XKR4: variants seen among roughly 807,000 people sequenced by gnomAD.
The protein encoded by XKR4 is XK-related protein 4.
XKR4 carries 12 observed loss-of-function variants against 53.9 expected under a neutral mutation model. The observed-to-expected ratio is 0.22, with a 90% CI of 0.14 to 0.36. The LOEUF (loss-of-function observed/expected upper bound fraction) is 0.36. Among genes scored for constraint, XKR4 ranks in the 10% least tolerant of loss-of-function variants. XKR4 has a pLI of 1.00. For missense variants in XKR4, 799 were observed against 859.5 expected, an observed-to-expected ratio of 0.93 and a Z score of 0.88; for synonymous variants, 354 against 362.4, an observed-to-expected ratio of 0.98 and a Z score of 0.26.
chr8:55,238,301 G>T (rs1818162349), intron 1 of XKR4, among the ~76,000 whole-genome samples: 1 of 152,194 alleles, frequency 6.6e-6, no homozygotes, highest in Admixed American at 6.6e-5. Flanking sequence ...CTTCCAGCCA[G>T]CAGGGAGAGG....
At chr8:55,263,236 C>A (rs988397344) in intron 1 of XKR4, among the ~76,000 whole-genome samples, 4 of 152,202 alleles carry the variant, frequency 2.6e-5, no homozygotes, top group African/African-American at 9.7e-5. Flanking sequence ...GTCACTACCC[C>A]ATGTGGGGAG....
rs574707215 is a variant in XKR4, at chr8:55,478,074, G to A, written c.1007-45207G>A. Among the ~76,000 whole-genome samples, 392 of 152,074 alleles carry A rather than the reference G, an allele frequency of 2.6e-3. 2 individuals carry two copies. Among genetic ancestry groups the A allele is most frequent in the African/African-American group, 8.9e-3 (370 of 41,442 alleles). ...AGAGAACGCCACAAAGATACTCCTCGAGAAGAGCAACTCCAAGACACATAA... is the reference window on the plus strand; with the variant it reads ...AGAGAACGCCACAAAGATACTCCTCAAGAAGAGCAACTCCAAGACACATAA... On this transcript the variant is annotated intron_variant, in intron 2 of 2. Transcript: ENST00000327381.
In XKR4 at chr8:55,298,551, C is replaced by A. The variant is rs1295823876; in HGVS notation, c.807-59127C>A. The stretch of plus-strand genomic sequence containing the variant: ...AGGAGAGGAGGGGGAGGTCCTAGAT[C>A]TCCTGTGAACTCATTACTGGAGGGA... On this transcript the variant is annotated intron_variant, in intron 1 of 2. Transcript: ENST00000327381. Among the ~76,000 whole-genome samples the A allele has an allele frequency of 3.9e-5, 6 of 152,164 alleles. No homozygotes were observed. The East Asian group carries it at 1.2e-3, about 29-fold the overall frequency.
intron 1 of XKR4, among the ~76,000 whole-genome samples, chr8:55,301,807 T>C (rs1819203745): frequency 6.6e-6 from 1 of 152,256 alleles, no homozygotes; most frequent in South Asian, 2.1e-4. Flanking sequence ...TTGAGAAGTG[T>C]CTGTTCATAT....
At chr8:55,451,495 G>A in intron 2 of XKR4, 2 of 1,102,152 alleles carry the variant, frequency 1.8e-6, no homozygotes, top group South Asian at 1.4e-5. Flanking sequence ...GAACTGGCCT[G>A]GAGAAGGTGC....
intron 1 of XKR4, among the ~76,000 whole-genome samples, chr8:55,344,695 G>C (rs531490761): frequency 6.6e-6 from 1 of 152,122 alleles, no homozygotes; most frequent in Non-Finnish European, 1.5e-5. Flanking sequence ...GAGGCGATGC[G>C]AGTGCATAGA....
chr8:55,430,291 A>G (rs1805083191), intron 2 of XKR4, among the ~76,000 whole-genome samples: 1 of 152,144 alleles, frequency 6.6e-6, no homozygotes, highest in Non-Finnish European at 1.5e-5. Flanking sequence ...AAGCCATTGC[A>G]CTCCTGGACA....
intron 1 of XKR4, among the ~76,000 whole-genome samples, chr8:55,232,091 A>G (rs1818050002): frequency 6.6e-6 from 1 of 152,250 alleles, no homozygotes; most frequent in African/African-American, 2.4e-5. Context: ...CAATCCTGTC[A>G]TTCTGACCAC....
intron 1 of XKR4, among the ~76,000 whole-genome samples, chr8:55,143,418 G>A (rs1585901781): frequency 6.6e-6 from 1 of 152,216 alleles, no homozygotes; most frequent in East Asian, 1.9e-4. Context: ...TCCCAAAAGA[G>A]CTAACATAAT....
chr8:55,347,833 ATTTTTAGCTG>A (rs1226480994), intron 1 of XKR4, among the ~76,000 whole-genome samples: 1 of 152,186 alleles, frequency 6.6e-6, no homozygotes, highest in Non-Finnish European at 1.5e-5. Context: ...GTTATGCTAA[ATTTTTAGCTG>A]TGTATATGGC....
chr8:55,393,459 A>G lies in XKR4; in HGVS notation c.1006+35582A>G, dbSNP rs966052233. ...GGAAGGAAGGAAGGAAGGAAGGAAG[A>G]AAGGAAGGAAATAAGTGAAACAATT... On this transcript the variant is annotated intron_variant, in intron 2 of 2. Coordinates refer to ENST00000327381, the MANE Select transcript of XKR4 (RefSeq NM_052898.2). Among the ~76,000 whole-genome samples the G allele has an allele frequency of 1.1e-4, 13 of 120,198 alleles. No homozygotes were observed. In the East Asian group the frequency reaches 1.2e-3, roughly 11 times the overall value. The allele number at this position is 120,198 out of a possible 152,430, so 78.9% of individuals were successfully genotyped here. A position where few individuals can be genotyped will look rare whatever the true frequency, so the allele number is the denominator to read the frequency against.
chr8:55,449,721 C>G, intron 2 of XKR4: 1 of 915,702 alleles, frequency 1.1e-6, no homozygotes. Flanking sequence ...CACTCAGTGT[C>G]CACACGGTGG....
intron 1 of XKR4, among the ~76,000 whole-genome samples, chr8:55,201,750 A>C (rs746533338): frequency 1.3e-5 from 2 of 152,196 alleles, no homozygotes; most frequent in Non-Finnish European, 2.9e-5. Context: ...ATTGAAAGCC[A>C]ATGTTCTGAT....
At chr8:55,514,689 T>C (rs2129404997) in intron 2 of XKR4, among the ~76,000 whole-genome samples, 1 of 152,206 alleles carries the variant, frequency 6.6e-6, no homozygotes, top group South Asian at 2.1e-4. Flanking sequence ...AACAAAAAAA[T>C]CATTCAGTGT....
In XKR4 at chr8:55,251,566, T is replaced by C. The variant is rs145361399; in HGVS notation, c.807-106112T>C. 4.1e-3 allele frequency among the ~76,000 whole-genome samples: 630 copies of C among 152,322 alleles called. 9 individuals carry two copies. Among genetic ancestry groups the C allele is most frequent in the African/African-American group, 0.014 (585 of 41,568 alleles). On this transcript the variant is annotated intron_variant, in intron 1 of 2. Coordinates refer to ENST00000327381, the MANE Select transcript of XKR4 (RefSeq NM_052898.2). The stretch of plus-strand genomic sequence containing the variant: ...CCATATAGCTTTGGAAAATAGTAAG[T>C]AGCTATTTCCTATGAAAGATTTGGA...
At position 55,528,000 on chromosome 8, in the gene XKR4, G is replaced by A. The variant is rs1382848435; in HGVS notation, c.*3773G>A. On this transcript the variant is annotated 3_prime_UTR_variant, in exon 3 of 3. Coordinates refer to ENST00000327381, the MANE Select transcript of XKR4 (RefSeq NM_052898.2). ...TATATATACGTACCTATATATGTAT[G>A]TACACACACACACACACACACTTTC... is the stretch of plus-strand genomic sequence containing the variant. The A allele has an allele frequency of 3.3e-5, 5 of 150,970 alleles. No individual in the cohort carries two copies. The highest frequency in any genetic ancestry group is 2.1e-4 in the South Asian group (1 of 4,804). The allele number at this position is 150,970 out of a possible 1,614,324, so 9.4% of individuals were successfully genotyped here.
Position 55,536,505 on chromosome 8 carries a change from A to G in XKR4, c.*12278A>G, listed in dbSNP as rs1232235995. The G allele has an allele frequency of 6.6e-6, 1 of 152,248 alleles. No homozygotes were observed. The highest frequency in any genetic ancestry group is 1.5e-5 in the Non-Finnish European group (1 of 68,038). The allele number at this position is 152,248 out of a possible 1,614,324, so 9.4% of individuals were successfully genotyped here. ...CACTCAAGTGGTAAATTTGGTCTTC[A>G]TGATATCAAACATACGGATATTTGG... On this transcript the variant is annotated 3_prime_UTR_variant, in exon 3 of 3. Transcript: ENST00000327381.
At chr8:55,126,148 G>A (rs1295004662) in intron 1 of XKR4, among the ~76,000 whole-genome samples, 1 of 151,942 alleles carries the variant, frequency 6.6e-6, no homozygotes, top group African/African-American at 2.4e-5. Context: ...TGAGGGAGGA[G>A]GAAAGAAAAA....
chr8:55,349,960 A>G (rs2129383425), intron 1 of XKR4, among the ~76,000 whole-genome samples: 1 of 152,338 alleles, frequency 6.6e-6, no homozygotes, highest in East Asian at 1.9e-4. Flanking sequence ...CCACTGAGAG[A>G]TCATCACTTT....
Sources: allele counts gnomAD v4.1 joint callset (sites outside exome capture counted in the v4.1 genomes callset), GRCh38; gene constraint gnomAD v4.1.1; transcripts MANE v1.5; gene names NCBI Gene and HGNC (gene_info 2026-07-23, HGNC 2026-07-21).